The following FAT1 variants were observed in gnomAD, a reference collection of about 807,000 sequenced individuals.
The protein encoded by FAT1 is protocadherin Fat 1.
FAT1 carries 171 observed loss-of-function variants against 329.8 expected under a neutral mutation model. The ratio of observed to expected loss-of-function variants is 0.52; its 90% confidence interval spans 0.46 to 0.59. The LOEUF is 0.59. FAT1 is among the 20% of genes least tolerant of loss of function. The probability of loss-of-function intolerance (pLI) is 0.00; values close to 1 mark genes in which losing one functional copy is unlikely to be tolerated. For missense variants in FAT1, 5,672 were observed against 5,774.4 expected, an observed-to-expected ratio of 0.98 and a Z score of 0.57; for synonymous variants, 2,233 against 2,228.6, an observed-to-expected ratio of 1.00 and a Z score of -0.06.
chr4:186,705,444 G>C (rs963030527), intron 2 of FAT1, among the ~76,000 whole-genome samples: 27 of 152,288 alleles, frequency 1.8e-4, no homozygotes, highest in African/African-American at 6.3e-4. Context: ...ACATGGGTGA[G>C]ATTAGTAAAC....
intron 20 of FAT1, among the ~76,000 whole-genome samples, chr4:186,602,154 C>A (rs1050680933): frequency 2.0e-5 from 3 of 152,136 alleles, no homozygotes; most frequent in Non-Finnish European, 4.4e-5. Flanking sequence ...TCACTTCACA[C>A]CCATAAAATA....
chr4:186,704,417 G>A (rs6851709), intron 2 of FAT1, among the ~76,000 whole-genome samples: 4,055 of 151,656 alleles, frequency 0.027, 120 homozygotes, highest in East Asian at 0.091. Context: ...TACTAGTTTC[G>A]AAATGATTCC....
intron 1 of FAT1, among the ~76,000 whole-genome samples, chr4:186,720,327 C>T (rs1745410763): frequency 6.6e-6 from 1 of 152,084 alleles, no homozygotes; most frequent in Admixed American, 6.6e-5. Flanking sequence ...ACAATCCTCC[C>T]TTTTTTAATA....
At chr4:186,597,285 A>C in intron 24 of FAT1, 114 bp from the exon 25 acceptor site, 2 of 1,180,368 alleles carry the variant, frequency 1.7e-6, no homozygotes, top group South Asian at 1.7e-5. Flanking sequence ...TGTGAAGATC[A>C]AACCCAGATA....
intron 2 of FAT1, among the ~76,000 whole-genome samples, chr4:186,664,883 C>A (rs1485212986): frequency 1.3e-5 from 2 of 152,126 alleles, no homozygotes; most frequent in Non-Finnish European, 2.9e-5. Flanking sequence ...GAAAAATAAC[C>A]AATTACCAAT....
chr4:186,633,831 G>A lies in FAT1; in HGVS notation c.4184-8C>T, dbSNP rs527542593. 8.7e-6 allele frequency: 14 copies of A among 1,612,744 alleles called. No homozygotes were observed. In the East Asian group the frequency reaches 2.5e-4, roughly 28 times the overall value. On this transcript the variant is annotated splice_region_variant and splice_polypyrimidine_tract_variant and intron_variant, in intron 6 of 26. Transcript: ENST00000441802. ...GACTGTCGTAGTTGCCACCTAATTT[G>A]GGGAAAAAAAAGTAAAAACAGGTCA... is the stretch of plus-strand genomic sequence containing the variant.
At chr4:186,646,504 A>G (rs1029770520) in intron 3 of FAT1, among the ~76,000 whole-genome samples, 1 of 152,210 alleles carries the variant, frequency 6.6e-6, no homozygotes, top group African/African-American at 2.4e-5. Flanking sequence ...AAACAGAGCT[A>G]ATGTCACCAT....
At chr4:186,637,598 G>GA (rs982651873) in intron 4 of FAT1, among the ~76,000 whole-genome samples, 4 of 152,022 alleles carry the variant, frequency 2.6e-5, no homozygotes, top group African/African-American at 7.2e-5. Context: ...TTCTATTTAG[G>GA]AAAAAATATC....
At chr4:186,670,960 T>C (rs1416603150) in intron 2 of FAT1, among the ~76,000 whole-genome samples, 1 of 152,132 alleles carries the variant, frequency 6.6e-6, no homozygotes, top group Non-Finnish European at 1.5e-5. Flanking sequence ...TTGTAACATC[T>C]TACATACTCA....
intron 16 of FAT1, among the ~76,000 whole-genome samples, chr4:186,607,844 C>A (rs1274596508): frequency 6.6e-6 from 1 of 151,998 alleles, no homozygotes; most frequent in African/African-American, 2.4e-5. Flanking sequence ...GCTGCCTCTC[C>A]TTATTTGTTC....
chr4:186,615,089 A>G (rs1346200100), intron 11 of FAT1, among the ~76,000 whole-genome samples: 3 of 152,208 alleles, frequency 2.0e-5, no homozygotes, highest in African/African-American at 7.2e-5. Flanking sequence ...AAAAGGACTC[A>G]GGAAAAAGGG....
At chr4:186,684,899 C>T (rs995948535) in intron 2 of FAT1, among the ~76,000 whole-genome samples, 15 of 152,254 alleles carry the variant, frequency 9.9e-5, no homozygotes, top group African/African-American at 3.4e-4. Context: ...CTTCTTATTT[C>T]GGCAACTCCT....
rs1038204385 is a variant in FAT1 at position 186,636,889 on chromosome 4, G to T, written c.3668C>A (p.Pro1223His). The change falls in exon 5 of 27, where the codon CCC becomes CAC. Residue 1223 changes from proline (P) to histidine (H), a missense_variant. Pro to His is a moderately conservative substitution (Grantham distance 77). Coordinates refer to ENST00000441802, the MANE Select transcript of FAT1 (RefSeq NM_005245.4). ...GACTCTTGCAATGGTTGATTTGGGG[G>T]GACTACCATTGTCTGTCACAGTAAC... The part of the protein sequence containing the change: ...LEVTVTDNGS[P>H]PKSTIARVIV... 1.2e-6 allele frequency: 2 copies of T among 1,610,856 alleles called. No individual in the cohort carries two copies. The highest frequency in any genetic ancestry group is 1.7e-6 in the Non-Finnish European group (2 of 1,178,620).
At position 186,621,684 on chromosome 4, in the gene FAT1, A is replaced by C. The variant is rs1164379760; in HGVS notation, c.4902T>G (p.Asp1634Glu). Residue 1634 changes from aspartate (D) to glutamate (E), a missense_variant, in exon 10 of 27, where the codon GAT becomes GAG. Physicochemically the swap from Asp to Glu is conservative, Grantham distance 45 (BLOSUM62 2). Coordinates refer to ENST00000441802, the MANE Select transcript of FAT1 (RefSeq NM_005245.4). ...CCTTATCTGTAGCTTTTACCATTAAATCATACTCCGCTTGGTTACTTCGAT... is the reference window on the plus strand; with the variant it reads ...CCTTATCTGTAGCTTTTACCATTAACTCATACTCCGCTTGGTTACTTCGAT... ...ELDRSNQAEYDLMVKATDKGS... is the reference protein window; with the variant it reads ...ELDRSNQAEYELMVKATDKGS... 6.2e-7 allele frequency: 1 copy of C among 1,613,966 alleles called. No homozygotes were observed. The highest frequency in any genetic ancestry group is 8.5e-7 in the Non-Finnish European group (1 of 1,179,880).
chr4:186,646,389 T>C (rs939238154), intron 3 of FAT1, among the ~76,000 whole-genome samples: 1 of 152,204 alleles, frequency 6.6e-6, no homozygotes, highest in African/African-American at 2.4e-5. Flanking sequence ...ATACACGTTC[T>C]AGAAAAGCAC....
Position 186,596,680 on chromosome 4 carries a change from AAAGTGCTG to A in FAT1, c.12852_12859del (p.Ser4285Ter). On this transcript the variant is annotated frameshift_variant, in exon 25 of 27. Transcript: ENST00000441802. LOFTEE classifies it high-confidence loss of function. This position sits in a 1 kb window ranked among gnomAD's most constrained non-coding sequence, Gnocchi z 4.7. ...GTGCCCGTGCACAGACTCGGGGTTAAAAGTGCTGAATTCGGGATGCTCTGGGATAGCAG... is the reference window on the plus strand; with the variant it reads ...GTGCCCGTGCACAGACTCGGGGTTAAAATTCGGGATGCTCTGGGATAGCAG... 4 of 1,613,100 alleles carry A rather than the reference AAAGTGCTG, an allele frequency of 2.5e-6. No individual in the cohort carries two copies. The highest frequency in any genetic ancestry group is 3.4e-6 in the Non-Finnish European group (4 of 1,179,322).
intron 3 of FAT1, among the ~76,000 whole-genome samples, chr4:186,656,037 G>A (rs768966009): frequency 2.5e-4 from 38 of 152,250 alleles, no homozygotes; most frequent in Non-Finnish European, 4.6e-4. Context: ...GCCGAAGGCC[G>A]TGCTGGGCCA....
intron 2 of FAT1, among the ~76,000 whole-genome samples, chr4:186,687,603 T>TG (rs2126654031): frequency 6.6e-6 from 1 of 152,316 alleles, no homozygotes; most frequent in Admixed American, 6.5e-5. Flanking sequence ...ACCAACATGG[T>TG]GCGCTGGGCA....
chr4:186,603,016 A>C lies in FAT1; in HGVS notation c.11369T>G (p.Val3790Gly). Residue 3790 changes from valine to glycine, a missense_variant, in exon 20 of 27, where the codon GTC (valine) becomes GGC (glycine). Coordinates refer to ENST00000441802, the MANE Select transcript of FAT1 (RefSeq NM_005245.4). ...CLCKEGRCPP[V>G]HHGCEDDPCP... ...CGGATCATCTTCACAGCCATGGTGGACAGGTGGGCACCTTCCCTCTTCATT... is the reference window on the plus strand; with the variant it reads ...CGGATCATCTTCACAGCCATGGTGGCCAGGTGGGCACCTTCCCTCTTCATT... 1 of 1,613,996 alleles carries C rather than the reference A, an allele frequency of 6.2e-7. No individual in the cohort carries two copies. The highest frequency in any genetic ancestry group is 8.5e-7 in the Non-Finnish European group (1 of 1,179,896).
Sources: gnomAD v4.1 joint callset for allele counts (sites outside exome capture counted in the v4.1 genomes callset) on GRCh38, gnomAD v4.1.1 for gene constraint, Gnocchi (gnomAD v3.1) non-coding constraint, MANE v1.5 for transcripts, NCBI Gene and HGNC (gene_info 2026-07-23, HGNC 2026-07-21) for gene names.